DOK6: variants seen among roughly 807,000 people sequenced by gnomAD.
The protein encoded by DOK6 is docking protein 6.
A neutral mutation model predicts 44.0 loss-of-function variants in DOK6; 22 were observed. The observed-to-expected ratio is 0.50, with a 90% CI of 0.36 to 0.71. The LOEUF is 0.71. Ranked by LOEUF, DOK6 falls within the 30% of genes least tolerant of loss-of-function variation. DOK6 has a pLI of 0.00. For synonymous variants in DOK6, 166 were observed against 145.5 expected, an observed-to-expected ratio of 1.14 and a Z score of -1.01; for missense variants, 340 against 416.4, an observed-to-expected ratio of 0.82 and a Z score of 1.60.
chr18:69,846,648 C>T lies in DOK6; in HGVS notation c.*5265C>T, dbSNP rs1322677528. ...TCCTAAAGTGGTAGTCAAAGTAAAA[C>T]ACATTAAGTAGGTGTTTGTGTTTAG... is the stretch of plus-strand genomic sequence containing the variant. On this transcript the variant is annotated 3_prime_UTR_variant, in exon 8 of 8. Transcript: ENST00000382713. 6.6e-6 allele frequency: 1 copy of T among 152,176 alleles called. No homozygotes were observed. The highest frequency in any genetic ancestry group is 1.5e-5 in the Non-Finnish European group (1 of 68,034). The allele number at this position is 152,176 out of a possible 1,614,324, so 9.4% of individuals were successfully genotyped here.
chr18:69,658,701 G>A (rs1036533536), intron 3 of DOK6, among the ~76,000 whole-genome samples: 1 of 152,128 alleles, frequency 6.6e-6, no homozygotes, highest in African/African-American at 2.4e-5. Context: ...ACGGAAATGA[G>A]TCTTTTTCTG....
chr18:69,835,086 C>T (rs941575313), intron 7 of DOK6, among the ~76,000 whole-genome samples: 3 of 152,144 alleles, frequency 2.0e-5, no homozygotes, highest in African/African-American at 7.2e-5. Flanking sequence ...AGTCACCTCC[C>T]GTCAAGTCTC....
intron 1 of DOK6, among the ~76,000 whole-genome samples, chr18:69,442,784 A>G (rs1366567701): frequency 6.7e-6 from 1 of 148,784 alleles, no homozygotes; most frequent in East Asian, 1.9e-4. Flanking sequence ...ATACTTATAT[A>G]TGTTGCTTAT....
In DOK6 at chr18:69,847,085, A is replaced by T. The variant is rs1217322755; in HGVS notation, c.*5702A>T. ...TATTTGAAGGGGAGAGGAAAAATAC[A>T]TTTGTAGTAGAAATATTCCCTCTAA... On this transcript the variant is annotated 3_prime_UTR_variant, in exon 8 of 8. Transcript: ENST00000382713. 2.0e-5 allele frequency: 3 copies of T among 152,194 alleles called. No homozygotes were observed. The highest frequency in any genetic ancestry group is 2.9e-5 in the Non-Finnish European group (2 of 68,024). The allele number at this position is 152,194 out of a possible 1,614,324, so 9.4% of individuals were successfully genotyped here.
intron 1 of DOK6, among the ~76,000 whole-genome samples, chr18:69,492,751 T>G (rs1980769684): frequency 6.6e-6 from 1 of 151,226 alleles, no homozygotes. Flanking sequence ...GGTTTCATTC[T>G]TTTTCTATGG....
chr18:69,753,383 A>G (rs1433584352), intron 6 of DOK6, among the ~76,000 whole-genome samples: 1 of 152,168 alleles, frequency 6.6e-6, no homozygotes, highest in Non-Finnish European at 1.5e-5. Context: ...CAAAGGTATC[A>G]GTGCAGTCTC....
At chr18:69,498,224 A>G (rs930200890) in intron 1 of DOK6, among the ~76,000 whole-genome samples, 3 of 152,144 alleles carry the variant, frequency 2.0e-5, no homozygotes, top group Non-Finnish European at 4.4e-5. Flanking sequence ...CCAATTAATG[A>G]AATAAAATAA....
rs540019607 is a variant in DOK6 at position 69,746,896 on chromosome 18, A to G, written c.738+7793A>G. On this transcript the variant is annotated intron_variant, in intron 6 of 7. Coordinates refer to ENST00000382713, the MANE Select transcript of DOK6 (RefSeq NM_152721.6). ...GCTCTGGTTTTGTGAAATTTACCCAATTGGTGTAATTCTCATCTTATCTGT... is the reference window on the plus strand; with the variant it reads ...GCTCTGGTTTTGTGAAATTTACCCAGTTGGTGTAATTCTCATCTTATCTGT... Among the ~76,000 whole-genome samples the G allele has an allele frequency of 3.2e-4, 49 of 152,266 alleles. 1 individual carries two copies. The South Asian group carries it at 9.7e-3, about 30-fold the overall frequency.
chr18:69,563,443 C>A (rs1182676443), intron 1 of DOK6, among the ~76,000 whole-genome samples: 1 of 152,106 alleles, frequency 6.6e-6, no homozygotes, highest in Non-Finnish European at 1.5e-5. Context: ...AAATATGGCA[C>A]ATATACACCA....
At chr18:69,601,542 G>T (rs547550034) in intron 3 of DOK6, among the ~76,000 whole-genome samples, 1 of 152,148 alleles carries the variant, frequency 6.6e-6, no homozygotes, top group African/African-American at 2.4e-5. Context: ...GTGTTCAGAC[G>T]GGAAGTGTGA....
chr18:69,598,950 CAG>C (rs1983809868), intron 2 of DOK6, among the ~76,000 whole-genome samples: 1 of 152,024 alleles, frequency 6.6e-6, no homozygotes, highest in Non-Finnish European at 1.5e-5. Flanking sequence ...ACTTTTCTGA[CAG>C]ATATGTGTCA....
At chr18:69,702,802 T>G (rs538334906) in intron 5 of DOK6, among the ~76,000 whole-genome samples, 1 of 152,296 alleles carries the variant, frequency 6.6e-6, no homozygotes, top group East Asian at 1.9e-4. Flanking sequence ...AAATCATTCT[T>G]GATTTAATGA....
intron 7 of DOK6, among the ~76,000 whole-genome samples, chr18:69,766,956 G>C (rs771056965): frequency 1.3e-5 from 2 of 152,172 alleles, no homozygotes; most frequent in African/African-American, 4.8e-5. Context: ...GCCAGGTGTG[G>C]TGGCTCACTC....
intron 1 of DOK6, among the ~76,000 whole-genome samples, chr18:69,408,283 A>G (rs1978292672): frequency 6.6e-6 from 1 of 152,204 alleles, no homozygotes; most frequent in Non-Finnish European, 1.5e-5. Context: ...ACTGTACTCA[A>G]TGCTAAGTTA....
chr18:69,417,996 ATCGTGTAGGT>A (rs1978385592), intron 1 of DOK6, among the ~76,000 whole-genome samples: 1 of 152,008 alleles, frequency 6.6e-6, no homozygotes, highest in South Asian at 2.1e-4. Context: ...AATTTTTCCT[ATCGTGTAGGT>A]TTTCTCTTCA....
intron 3 of DOK6, among the ~76,000 whole-genome samples, chr18:69,666,990 G>A (rs1001863678): frequency 2.1e-4 from 31 of 150,384 alleles, no homozygotes; most frequent in African/African-American, 6.6e-4. Flanking sequence ...GCTCCCAGAA[G>A]GACCCCCCCT....
intron 7 of DOK6, among the ~76,000 whole-genome samples, chr18:69,799,826 C>T (rs1980850866): frequency 1.3e-5 from 2 of 152,088 alleles, no homozygotes; most frequent in Admixed American, 6.6e-5. Context: ...TTATCTCACA[C>T]TTCAGTGTCT....
At chr18:69,810,430 CA>C (rs1981188499) in intron 7 of DOK6, among the ~76,000 whole-genome samples, 1 of 151,646 alleles carries the variant, frequency 6.6e-6, no homozygotes, top group African/African-American at 2.4e-5. Context: ...TTATATGACC[CA>C]AAAACCACAG....
rs546551014 is a variant in DOK6 at position 69,543,365 on chromosome 18, C to T, written c.67-21122C>T. ...AGGTGAACAGAGAACAAGTGAGAAGCGATAAGTATGAGGAAAGATAGAGAA... is the reference window on the plus strand; with the variant it reads ...AGGTGAACAGAGAACAAGTGAGAAGTGATAAGTATGAGGAAAGATAGAGAA... On this transcript the variant is annotated intron_variant, in intron 1 of 7. Coordinates refer to ENST00000382713, the MANE Select transcript of DOK6 (RefSeq NM_152721.6). Among the ~76,000 whole-genome samples the T allele has an allele frequency of 2.4e-4, 37 of 151,492 alleles. 2 individuals carry two copies. The South Asian group carries it at 6.7e-3, about 28-fold the overall frequency.
Sources: allele counts gnomAD v4.1 joint callset (sites outside exome capture counted in the v4.1 genomes callset), GRCh38; gene constraint gnomAD v4.1.1; transcripts MANE v1.5; gene names NCBI Gene and HGNC (gene_info 2026-07-23, HGNC 2026-07-21).